The following FNIP2 variants were observed in gnomAD, a reference collection of about 807,000 sequenced individuals.
The protein encoded by FNIP2 is folliculin-interacting protein 2.
In FNIP2, 32 loss-of-function variants were observed where a neutral mutation model predicts 108.7. The ratio of observed to expected loss-of-function variants is 0.29; its 90% CI spans 0.22 to 0.40. The LOEUF (loss-of-function observed/expected upper bound fraction) is 0.40, where lower values mean the gene tolerates loss of function less well. FNIP2 is among the 10% of genes least tolerant of loss of function. FNIP2 has a pLI of 1.00. For synonymous variants in FNIP2, 480 were observed against 496.7 expected (o/e 0.97, Z 0.45); for missense variants, 1,202 against 1,381.6 (o/e 0.87, Z 2.06).
intron 1 of FNIP2, among the ~76,000 whole-genome samples, chr4:158,821,491 C>T (rs991917394): frequency 2.0e-5 from 3 of 152,186 alleles, no homozygotes; most frequent in African/African-American, 7.2e-5. Flanking sequence ...GGAAGCTCCA[C>T]AGTAACTGTT....
chr4:158,871,539 G>GT (rs1780948762), intron 14 of FNIP2: 1 of 985,360 alleles, frequency 1.0e-6, no homozygotes, highest in Non-Finnish European at 1.2e-6. Flanking sequence ...AAAAAACTCA[G>GT]TAGTGAAGCA....
At chr4:158,865,326 A>G (rs1200251883) in intron 12 of FNIP2, among the ~76,000 whole-genome samples, 2 of 152,208 alleles carry the variant, frequency 1.3e-5, no homozygotes, top group Non-Finnish European at 2.9e-5. Context: ...AGCTTCAATT[A>G]TCCAAGACTC....
intron 14 of FNIP2, among the ~76,000 whole-genome samples, chr4:158,889,563 T>G (rs1213683683): frequency 6.6e-6 from 1 of 152,206 alleles, no homozygotes; most frequent in Non-Finnish European, 1.5e-5. Flanking sequence ...GGGTCCAAAT[T>G]ACCTATTGCA....
chr4:158,844,086 T>G (rs1391725673), intron 7 of FNIP2, among the ~76,000 whole-genome samples: 1 of 152,238 alleles, frequency 6.6e-6, no homozygotes, highest in East Asian at 1.9e-4. Context: ...CTTCTGCACC[T>G]TCTTTCTCGA....
At chr4:158,883,236 G>T (rs1395103991) in intron 14 of FNIP2, among the ~76,000 whole-genome samples, 3 of 135,418 alleles carry the variant, frequency 2.2e-5, no homozygotes, top group South Asian at 2.3e-4. Flanking sequence ...GTGTGTGTGT[G>T]TTTTTTGTTT....
At chr4:158,902,623 G>T (rs868005847) in intron 16 of FNIP2, among the ~76,000 whole-genome samples, 78 of 152,318 alleles carry the variant, frequency 5.1e-4, no homozygotes, top group Admixed American at 1.8e-3. Flanking sequence ...CAAAGAGATG[G>T]GGGTTTTATC....
intron 10 of FNIP2, 67 bp from the exon 11 acceptor site, chr4:158,861,275 T>C (rs1578930311): frequency 6.6e-7 from 1 of 1,509,602 alleles, no homozygotes; most frequent in East Asian, 2.3e-5. Flanking sequence ...CTTTATTCTT[T>C]TACACCAAGA....
chr4:158,799,529 A>T (rs189759266), intron 1 of FNIP2, among the ~76,000 whole-genome samples: 20 of 152,274 alleles, frequency 1.3e-4, no homozygotes, highest in Non-Finnish European at 2.1e-4. Flanking sequence ...GAGTGTCCTG[A>T]TCACATGATT....
rs370540106 is a variant in FNIP2 at position 158,792,216 on chromosome 4, C to T, written c.107+22897C>T. Among the ~76,000 whole-genome samples the T allele has an allele frequency of 5.9e-4, 90 of 152,280 alleles. 1 individual carries two copies. The South Asian group carries it at 0.015, about 25-fold the overall frequency. ...TTTGTAACCCCAAAATCAATACTCT[C>T]GGCACTTTCATGGTCACTCATGGAC... is the stretch of plus-strand genomic sequence containing the variant. On this transcript the variant is annotated intron_variant, in intron 1 of 16. Transcript: ENST00000264433.
chr4:158,798,301 T>C (rs1776654031), intron 1 of FNIP2, among the ~76,000 whole-genome samples: 1 of 152,136 alleles, frequency 6.6e-6, no homozygotes, highest in Admixed American at 6.6e-5. Flanking sequence ...TAAACTGAAG[T>C]GATCCTCCCA....
At chr4:158,874,458 C>T (rs934210124) in intron 14 of FNIP2, among the ~76,000 whole-genome samples, 3 of 109,782 alleles carry the variant, frequency 2.7e-5, no homozygotes, top group Non-Finnish European at 5.3e-5. Flanking sequence ...CCTTTGAGAT[C>T]ACCCTGGGCA....
intron 13 of FNIP2, 119 bp from the exon 14 acceptor site, chr4:158,870,194 C>T: frequency 9.0e-7 from 1 of 1,113,524 alleles, no homozygotes; most frequent in South Asian, 1.7e-5. Flanking sequence ...GGGTTGGTGA[C>T]ATGGACCACC....
At chr4:158,829,670 A>C (rs918766864) in intron 3 of FNIP2, among the ~76,000 whole-genome samples, 3 of 152,028 alleles carry the variant, frequency 2.0e-5, no homozygotes, top group Non-Finnish European at 4.4e-5. Context: ...CTGAGTATGA[A>C]GGATAAAAGG....
rs768264805 is a variant in FNIP2, at chr4:158,769,252, G to A, written c.40G>A (p.Gly14Ser). 23 of 1,538,802 alleles carry A rather than the reference G, an allele frequency of 1.5e-5. No individual in the cohort carries two copies. Among genetic ancestry groups the A allele is most frequent in the South Asian group, 4.8e-5 (4 of 83,424 alleles). ...GCTCCAGAAGCTCTTCAACAAAAGG[G>A]GCAGCAGCGGCAGCTCCGCGGCGGC... ...TLLQKLFNKR[G>S]SSGSSAAASA... The change falls in exon 1 of 17, where the codon GGC (glycine) becomes AGC (serine). Residue 14 changes from glycine (G) to serine (S), a missense_variant. By Grantham distance (56) the Gly-to-Ser change is moderately conservative (BLOSUM62 0). This residue lies in a region of FNIP2 where 173 missense variants were observed against 165.9 expected (regional missense o/e 1.04). Coordinates refer to ENST00000264433, the MANE Select transcript of FNIP2 (RefSeq NM_020840.3).
chr4:158,835,638 A>G, intron 7 of FNIP2, 162 bp downstream of exon 7: 2 of 508,142 alleles, frequency 3.9e-6, no homozygotes, highest in Non-Finnish European at 7.1e-6. Context: ...TTTAATGTAC[A>G]GTATCCATGA....
At chr4:158,827,490 G>A (rs1473232607) in intron 2 of FNIP2, among the ~76,000 whole-genome samples, 2 of 152,182 alleles carry the variant, frequency 1.3e-5, no homozygotes, top group African/African-American at 4.8e-5. Flanking sequence ...TTAGGTTCAG[G>A]AGGTTTGTAG....
rs1777897718 is a variant in FNIP2 at position 158,821,831 on chromosome 4, GTC to G, written c.108-4082_108-4081del. On this transcript the variant is annotated intron_variant, in intron 1 of 16. Coordinates refer to ENST00000264433, the MANE Select transcript of FNIP2 (RefSeq NM_020840.3). ...CCTCTACTAATACTAAAATGTCAGT[GTC>G]TCACCGCACTTTGGGAGGCTGAGGC... is the stretch of plus-strand genomic sequence containing the variant. Among the ~76,000 whole-genome samples, 4 of 152,236 alleles carry G rather than the reference GTC, an allele frequency of 2.6e-5. No homozygotes were observed. The East Asian group carries it at 7.7e-4, about 29-fold the overall frequency.
intron 12 of FNIP2, 77 bp downstream of exon 12, chr4:158,861,853 C>T (rs911167166): frequency 1.1e-5 from 16 of 1,504,324 alleles, no homozygotes; most frequent in South Asian, 3.6e-5. Context: ...TAGTTTATAC[C>T]GGCTCTCTCA....
intron 1 of FNIP2, among the ~76,000 whole-genome samples, chr4:158,820,232 G>A (rs1021948559): frequency 6.6e-6 from 1 of 152,052 alleles, no homozygotes; most frequent in African/African-American, 2.4e-5. Context: ...TGACTGTGTG[G>A]GGAGGCTTCC....
Sources: gnomAD v4.1 joint callset for allele counts (sites outside exome capture counted in the v4.1 genomes callset) on GRCh38, gnomAD v4.1.1 for gene constraint, gnomAD v4.1.1 regional missense constraint, MANE v1.5 for transcripts, NCBI Gene and HGNC (gene_info 2026-07-23, HGNC 2026-07-21) for gene names.